Variants in OPCML observed in about 807,000 individuals in gnomAD.
OPCML encodes the protein opioid binding protein/cell adhesion molecule like, also known as opioid-binding protein/cell adhesion molecule.
In OPCML, 13 loss-of-function variants were observed where a neutral mutation model predicts 37.8. The ratio of observed to expected loss-of-function variants is 0.34; its 90% CI spans 0.22 to 0.55. The LOEUF (loss-of-function observed/expected upper bound fraction) is 0.55, where lower values mean the gene tolerates loss of function less well. Among genes scored for constraint, OPCML ranks in the 20% least tolerant of loss-of-function variants. OPCML has a pLI of 0.91. For missense variants in OPCML, 341 were observed against 435.6 expected (o/e 0.78, Z 1.93); for synonymous variants, 176 against 168.8 (o/e 1.04, Z -0.33).
At chr11:133,302,035 T>A (rs1193304883) in intron 1 of OPCML, 1 of 152,152 alleles carries the variant, frequency 6.6e-6, no homozygotes, top group Non-Finnish European at 1.5e-5. Flanking sequence ...CAATCCAAGG[T>A]CAATGCAAGA....
chr11:133,444,583 C>A lies in OPCML; in HGVS notation c.61+87681G>T, dbSNP rs75307572. ...TAGGGTTATCTTTTCTTGCTTTGGA[C>A]AAGAAAAATTTATGTTGGTATTAGT... is the stretch of plus-strand genomic sequence containing the variant. On this transcript the variant is annotated intron_variant, in intron 1 of 7. Transcript: ENST00000524381. Among the ~76,000 whole-genome samples the A allele has an allele frequency of 2.0e-5, 3 of 151,882 alleles. No homozygotes were observed. In the East Asian group the frequency reaches 5.8e-4, roughly 29 times the overall value.
chr11:132,860,210 T>C (rs900178435), intron 2 of OPCML: 1 of 152,200 alleles, frequency 6.6e-6, no homozygotes, highest in Admixed American at 6.5e-5. Context: ...TTACTGAGAT[T>C]GTCTGTTGAT....
At chr11:132,827,973 C>A (rs1454221632) in intron 2 of OPCML, among the ~76,000 whole-genome samples, 1 of 152,020 alleles carries the variant, frequency 6.6e-6, no homozygotes, top group African/African-American at 2.4e-5. Context: ...TATAATTGCC[C>A]AAACTCGCAA....
intron 1 of OPCML, among the ~76,000 whole-genome samples, chr11:133,247,044 CT>C (rs947376795): frequency 1.3e-5 from 2 of 152,082 alleles, no homozygotes; most frequent in Non-Finnish European, 2.9e-5. Flanking sequence ...ATGAGATCAG[CT>C]TTTGAAGAGA....
chr11:132,711,774 T>C (rs778715101), intron 2 of OPCML, among the ~76,000 whole-genome samples: 1 of 152,220 alleles, frequency 6.6e-6, no homozygotes, highest in Non-Finnish European at 1.5e-5. Flanking sequence ...TATGTATATA[T>C]GTGTATGTGT....
At chr11:132,709,815 A>G (rs1403776463) in intron 2 of OPCML, among the ~76,000 whole-genome samples, 1 of 152,204 alleles carries the variant, frequency 6.6e-6, no homozygotes, top group East Asian at 1.9e-4. Context: ...AATGATTGAT[A>G]CGCGTCAGAG....
chr11:132,776,540 G>A (rs1946815136), intron 2 of OPCML, among the ~76,000 whole-genome samples: 2 of 151,894 alleles, frequency 1.3e-5, no homozygotes, highest in Non-Finnish European at 2.9e-5. Flanking sequence ...GTTCATGCAA[G>A]ATCTGTTTTT....
At chr11:132,875,585 C>T (rs1391571485) in intron 2 of OPCML, among the ~76,000 whole-genome samples, 1 of 152,018 alleles carries the variant, frequency 6.6e-6, no homozygotes, top group Non-Finnish European at 1.5e-5. Context: ...CTGCCTCAGC[C>T]TCCCGAGTAG....
At position 133,472,885 on chromosome 11, in the gene OPCML, C is replaced by T. The variant is rs186752181; in HGVS notation, c.61+59379G>A. Reference sequence around the variant, plus strand: ...ATAACTGGAACAGGAAGCACTGCTGCACCACCCTTCCCCAGTCCTGTCCCA... The same window carrying T: ...ATAACTGGAACAGGAAGCACTGCTGTACCACCCTTCCCCAGTCCTGTCCCA... On this transcript the variant is annotated intron_variant, in intron 1 of 7. Coordinates refer to ENST00000524381, the MANE Select transcript of OPCML (RefSeq NM_001012393.5). 1.1e-3 allele frequency among the ~76,000 whole-genome samples: 162 copies of T among 152,188 alleles called. 2 individuals are homozygous for T. The East Asian group carries it at 0.015, about 14-fold the overall frequency.
intron 1 of OPCML, chr11:133,026,585 T>A: frequency 1.0e-6 from 1 of 985,214 alleles, no homozygotes; most frequent in Non-Finnish European, 1.2e-6. Context: ...AAACTGTGAT[T>A]CTTTCTAGCT....
intron 4 of OPCML, among the ~76,000 whole-genome samples, chr11:132,507,044 A>G (rs1350563023): frequency 6.6e-6 from 1 of 152,030 alleles, no homozygotes; most frequent in Non-Finnish European, 1.5e-5. Context: ...TATTAACAAA[A>G]TCAAAGTAGG....
At chr11:132,867,611 A>G (rs944464711) in intron 2 of OPCML, among the ~76,000 whole-genome samples, 24 of 152,192 alleles carry the variant, frequency 1.6e-4, no homozygotes, top group African/African-American at 5.5e-4. Context: ...ATTTTCTAAC[A>G]TTCTAGACTG....
chr11:133,166,182 C>A (rs890462531), intron 1 of OPCML, among the ~76,000 whole-genome samples: 4 of 152,114 alleles, frequency 2.6e-5, no homozygotes, highest in Admixed American at 6.6e-5. Context: ...AAGGAATGAC[C>A]AATGCCTACA....
At chr11:132,820,727 T>G (rs1173755507) in intron 2 of OPCML, among the ~76,000 whole-genome samples, 1 of 152,112 alleles carries the variant, frequency 6.6e-6, no homozygotes, top group Non-Finnish European at 1.5e-5. Flanking sequence ...GGCAGTTTGG[T>G]GACAGAAGGA....
intron 1 of OPCML, among the ~76,000 whole-genome samples, chr11:133,338,171 A>C (rs1371917533): frequency 2.6e-5 from 4 of 152,052 alleles, no homozygotes; most frequent in African/African-American, 9.7e-5. Context: ...ATTGAATGCA[A>C]TTGTTTCAAT....
At chr11:132,775,521 G>A (rs926383324) in intron 2 of OPCML, among the ~76,000 whole-genome samples, 4 of 152,114 alleles carry the variant, frequency 2.6e-5, no homozygotes, top group Non-Finnish European at 1.5e-5. Flanking sequence ...CATGCATGTG[G>A]CATCTGACAC....
In OPCML at chr11:133,178,937, G is replaced by GCC. The variant is rs546138069; in HGVS notation, c.62-235929_62-235928dup. Among the ~76,000 whole-genome samples the GCC allele has an allele frequency of 7.8e-3, 1,187 of 152,266 alleles. 12 individuals carry two copies. Among genetic ancestry groups the GCC allele is most frequent in the African/African-American group, 0.028 (1,143 of 41,550 alleles). On this transcript the variant is annotated intron_variant, in intron 1 of 7. Transcript: ENST00000524381. ...GGATTTATGATTGTTTTCACTCGCT[G>GCC]CCTCTAAAGGGGAAAGACTCTGAAC...
intron 1 of OPCML, among the ~76,000 whole-genome samples, chr11:133,075,596 C>T (rs115341513): frequency 0.011 from 1,658 of 152,330 alleles, 34 homozygotes; most frequent in African/African-American, 0.037. Context: ...ATGCCTCTCA[C>T]GCCTGGCCCC....
At chr11:133,067,031 C>G (rs893337398) in intron 1 of OPCML, 6 of 152,134 alleles carry the variant, frequency 3.9e-5, no homozygotes, top group African/African-American at 1.4e-4. Context: ...GGTAAAACCA[C>G]TATAAAAATA....
Sources: gnomAD v4.1 joint callset for allele counts (sites outside exome capture counted in the v4.1 genomes callset) on GRCh38, gnomAD v4.1.1 for gene constraint, MANE v1.5 for transcripts, NCBI Gene and HGNC (gene_info 2026-07-23, HGNC 2026-07-21) for gene names.